Variants in ENAH observed in about 807,000 individuals in gnomAD.
The protein encoded by ENAH is protein enabled homolog.
ENAH carries 23 observed loss-of-function variants against 78.7 expected under a neutral mutation model. The observed-to-expected ratio is 0.29, with a 90% CI of 0.21 to 0.41. The LOEUF (loss-of-function observed/expected upper bound fraction) is 0.41, where lower values mean the gene tolerates loss of function less well. ENAH is among the 10% of genes least tolerant of loss of function. The probability of loss-of-function intolerance (pLI) is 1.00; values close to 1 mark genes in which losing one functional copy is unlikely to be tolerated. For missense variants in ENAH, 544 were observed against 691.0 expected (o/e 0.79, Z 2.39); for synonymous variants, 226 against 241.0 (o/e 0.94, Z 0.58).
At position 225,530,525 on chromosome 1, in the gene ENAH, A is replaced by C. The variant is rs200469719; in HGVS notation, c.434+29T>G. The C allele has an allele frequency of 1.5e-5, 24 of 1,562,730 alleles. No individual in the cohort carries two copies. In the African/African-American group the frequency reaches 2.6e-4, roughly 17 times the overall value. On this transcript the variant is annotated intron_variant, in intron 4 of 13. Coordinates refer to ENST00000366843, the MANE Select transcript of ENAH (RefSeq NM_018212.6). ...GTTTTGTCTTCTGAAGCATAAAGAAAAAGTACAAACAATAACTTGAAAATT... is the reference window on the plus strand; with the variant it reads ...GTTTTGTCTTCTGAAGCATAAAGAACAAGTACAAACAATAACTTGAAAATT...
chr1:225,590,082 AACACACACACACAC>A (rs3050220), intron 1 of ENAH, among the ~76,000 whole-genome samples: 1,833 of 131,488 alleles, frequency 0.014, 34 homozygotes, highest in African/African-American at 0.046. Flanking sequence ...CTCATCACTC[AACACACACACACAC>A]ACACACACAC....
chr1:225,622,997 G>T (rs1657276168), intron 1 of ENAH, among the ~76,000 whole-genome samples: 1 of 152,294 alleles, frequency 6.6e-6, no homozygotes, highest in East Asian at 1.9e-4. Context: ...CCAGTTTACA[G>T]AACCTTCTCA....
chr1:225,653,456 G>GGGTTCCTCGCCCGT (rs1305330944), upstream of ENAH, among the ~76,000 whole-genome samples: 1 of 148,590 alleles, frequency 6.7e-6, no homozygotes, highest in Non-Finnish European at 1.5e-5. This position sits in a 1 kb window ranked among gnomAD's most constrained non-coding sequence, Gnocchi z 4.3. Context: ...TTGTCGGCCG[G>GGGTTCCTCGCCCGT]GGTTCCTCGC....
chr1:225,637,219 T>C (rs1050283131), intron 1 of ENAH, among the ~76,000 whole-genome samples: 4 of 152,070 alleles, frequency 2.6e-5, no homozygotes, highest in Non-Finnish European at 4.4e-5. Context: ...TGTTGTTGCT[T>C]GGTTGTGAGA....
At chr1:225,596,505 C>T (rs2096902570) in intron 1 of ENAH, among the ~76,000 whole-genome samples, 1 of 152,080 alleles carries the variant, frequency 6.6e-6, no homozygotes. Context: ...AACTAAACAG[C>T]TTCTGATTAA....
chr1:225,523,817 T>G (rs2096486855), intron 4 of ENAH, among the ~76,000 whole-genome samples: 1 of 152,162 alleles, frequency 6.6e-6, no homozygotes, highest in South Asian at 2.1e-4. Context: ...AACTTTGCTT[T>G]TCCTCAGAAT....
At chr1:225,647,099 G>A (rs1481335612) in intron 1 of ENAH, among the ~76,000 whole-genome samples, 4 of 152,026 alleles carry the variant, frequency 2.6e-5, no homozygotes, top group South Asian at 2.1e-4. Flanking sequence ...GGTGGCACGC[G>A]CCTGTAGTCT....
intron 11 of ENAH, among the ~76,000 whole-genome samples, chr1:225,507,041 GA>G (rs2096337339): frequency 6.6e-6 from 1 of 151,380 alleles, no homozygotes; most frequent in South Asian, 2.1e-4. Flanking sequence ...CATAAACCAA[GA>G]AAAGGTTTCA....
chr1:225,608,644 C>T (rs368757470), intron 1 of ENAH, among the ~76,000 whole-genome samples: 8 of 151,464 alleles, frequency 5.3e-5, no homozygotes, highest in South Asian at 2.1e-4. Flanking sequence ...GGCGAAACCC[C>T]GTCTCTACTA....
At chr1:225,625,096 G>A (rs1247939245) in intron 1 of ENAH, among the ~76,000 whole-genome samples, 2 of 152,200 alleles carry the variant, frequency 1.3e-5, no homozygotes, top group Non-Finnish European at 2.9e-5. Flanking sequence ...GAAAGCAGAA[G>A]AGCTGAGCGA....
chr1:225,539,892 A>G (rs1365140545), intron 3 of ENAH, among the ~76,000 whole-genome samples: 1 of 152,226 alleles, frequency 6.6e-6, no homozygotes, highest in Non-Finnish European at 1.5e-5. Flanking sequence ...AGTTACTATT[A>G]GCCCTCAGAA....
At chr1:225,640,274 T>C (rs532303003) in intron 1 of ENAH, among the ~76,000 whole-genome samples, 19 of 152,268 alleles carry the variant, frequency 1.2e-4, no homozygotes, top group Admixed American at 7.2e-4. Context: ...ATTTAACACA[T>C]AGTTGCAACC....
chr1:225,510,639 A>C (rs865887282), intron 10 of ENAH, among the ~76,000 whole-genome samples: 61 of 151,184 alleles, frequency 4.0e-4, no homozygotes, highest in African/African-American at 1.3e-3. Context: ...AAGAATGAGG[A>C]ATGGGGGGAG....
intron 1 of ENAH, among the ~76,000 whole-genome samples, chr1:225,635,809 C>G (rs1284251801): frequency 1.3e-5 from 2 of 152,144 alleles, no homozygotes; most frequent in African/African-American, 4.8e-5. Context: ...CATGTGACTG[C>G]AGAAGCATGA....
At chr1:225,593,332 T>C (rs890947174) in intron 1 of ENAH, among the ~76,000 whole-genome samples, 1 of 143,030 alleles carries the variant, frequency 7.0e-6, no homozygotes, top group Non-Finnish European at 1.5e-5. Flanking sequence ...TCCAGGTAGA[T>C]ATGCCACTTT....
At chr1:225,581,432 A>G (rs1049184157) in intron 1 of ENAH, 2 of 221,788 alleles carry the variant, frequency 9.0e-6, no homozygotes, top group African/African-American at 4.7e-5. Flanking sequence ...TGAAAGATGG[A>G]GTGGGAGTGG....
intron 1 of ENAH, among the ~76,000 whole-genome samples, chr1:225,582,638 A>G (rs2096824809): frequency 6.6e-6 from 1 of 152,210 alleles, no homozygotes; most frequent in Non-Finnish European, 1.5e-5. Context: ...AAGGAACCCC[A>G]AATTCTGTAT....
intron 4 of ENAH, among the ~76,000 whole-genome samples, chr1:225,521,048 G>GCA (rs1353965990): frequency 6.6e-6 from 1 of 150,642 alleles, no homozygotes; most frequent in Non-Finnish European, 1.5e-5. Flanking sequence ...ATGGACACAC[G>GCA]CACGCGCGCG....
chr1:225,495,519 C>A lies in ENAH; in HGVS notation c.*2256G>T, dbSNP rs2096245893. 7.2e-6 allele frequency: 1 copy of A among 139,806 alleles called. No homozygotes were observed. 8.7% of individuals were successfully genotyped at this position (139,806 alleles called of 1,614,324 possible). On this transcript the variant is annotated 3_prime_UTR_variant, in exon 14 of 14. Transcript: ENST00000366843. The stretch of plus-strand genomic sequence containing the variant: ...ATCATGTTAATATTAGACCAAGGCA[C>A]AAAACGTTTAGTGCATAAACCCAGT...
Sources: allele counts gnomAD v4.1 joint callset (sites outside exome capture counted in the v4.1 genomes callset), GRCh38; gene constraint gnomAD v4.1.1; non-coding constraint Gnocchi (gnomAD v3.1); transcripts MANE v1.5; gene names NCBI Gene and HGNC (gene_info 2026-07-23, HGNC 2026-07-21).